AP1B1: variants seen among roughly 807,000 people sequenced by gnomAD.
The protein encoded by AP1B1 is AP-1 complex subunit beta-1.
A neutral mutation model predicts 104.3 loss-of-function variants in AP1B1; 36 were observed. The ratio of observed to expected loss-of-function variants is 0.35; its 90% confidence interval spans 0.26 to 0.46. The LOEUF (loss-of-function observed/expected upper bound fraction) is 0.46, where lower values mean the gene tolerates loss of function less well. Among genes scored for constraint, AP1B1 ranks in the 20% least tolerant of loss-of-function variants. The pLI is 1.00. For synonymous variants in AP1B1, 504 were observed against 517.5 expected (o/e 0.97, Z 0.35); for missense variants, 901 against 1,247.9 (o/e 0.72, Z 4.19).
Position 29,354,915 on chromosome 22 carries a change from G to A in AP1B1, c.717-44C>T, listed in dbSNP as rs755896017. 1.9e-6 allele frequency: 3 copies of A among 1,552,772 alleles called. No homozygotes were observed. The Admixed American group carries it at 5.1e-5, about 26-fold the overall frequency. ...AACGGGGCAAACAGGAAAGACAAGGGGAAACATTCTGTTTTTAGTTACCAA... is the reference window on the plus strand; with the variant it reads ...AACGGGGCAAACAGGAAAGACAAGGAGAAACATTCTGTTTTTAGTTACCAA... On this transcript the variant is annotated intron_variant, in intron 6 of 22. Transcript: ENST00000357586.
At chr22:29,376,829 C>T (rs2062350449) in intron 1 of AP1B1, among the ~76,000 whole-genome samples, 1 of 152,158 alleles carries the variant, frequency 6.6e-6, no homozygotes, top group African/African-American at 2.4e-5. Flanking sequence ...TGTACCTGCT[C>T]CCACAAAGCT....
Position 29,334,312 on chromosome 22 carries a change from C to T in AP1B1, c.2262G>A (p.Lys754=), listed in dbSNP as rs1327995859. ...SISMDLQLTN[K]ALQVMTDFAI... ...CAAAGTCGGTCATGACCTGCAAGGC[C>T]TTGTTGGTCAGCTGCAGGTCCATGG... Residue 754 remains lysine, a synonymous_variant, in exon 17 of 23, where the codon AAG becomes AAA. Coordinates refer to ENST00000357586, the MANE Select transcript of AP1B1 (RefSeq NM_001127.4). The T allele has an allele frequency of 1.2e-6, 2 of 1,610,266 alleles. No homozygotes were observed. The highest frequency in any genetic ancestry group is 2.2e-5 in the East Asian group (1 of 44,736).
chr22:29,359,604 G>A, intron 4 of AP1B1: 1 of 493,560 alleles, frequency 2.0e-6, no homozygotes, highest in Non-Finnish European at 3.5e-6. Flanking sequence ...AACAGGCCTG[G>A]CAGGACCTCA....
intron 2 of AP1B1, among the ~76,000 whole-genome samples, chr22:29,366,030 G>A (rs1443576127): frequency 2.0e-5 from 3 of 152,134 alleles, no homozygotes; most frequent in African/African-American, 7.2e-5. Flanking sequence ...CAGACTTCGG[G>A]TCCTGGATCA....
chr22:29,359,080 T>A (rs1481314696), intron 4 of AP1B1, 109 bp from the exon 5 acceptor site: 2 of 1,122,556 alleles, frequency 1.8e-6, no homozygotes, highest in Non-Finnish European at 2.5e-6. Context: ...CGACATCAGA[T>A]GGCTGCTGTG....
rs1569153291 is a variant in AP1B1 at position 29,339,210 on chromosome 22, C to T, written c.2020-77G>A. 1.9e-6 allele frequency: 3 copies of T among 1,560,114 alleles called. No individual in the cohort carries two copies. In the East Asian group the frequency reaches 6.7e-5, roughly 35 times the overall value. ...AGGGTCTGGGAATGAGTAGAGCCAC[C>T]TGGCTCTTTAGAAGACACTGGGGGC... is the stretch of plus-strand genomic sequence containing the variant. On this transcript the variant is annotated intron_variant, in intron 15 of 22. Transcript: ENST00000357586.
At chr22:29,386,432 G>A (rs1045836189) in intron 1 of AP1B1, among the ~76,000 whole-genome samples, 12 of 152,168 alleles carry the variant, frequency 7.9e-5, no homozygotes, top group African/African-American at 2.9e-4. Context: ...GACTCTTTGA[G>A]ACCTACTGAA....
intron 19 of AP1B1, 41 bp downstream of exon 19, chr22:29,331,408 G>A: frequency 1.3e-6 from 2 of 1,598,782 alleles, no homozygotes; most frequent in Non-Finnish European, 1.7e-6. Context: ...CCAAGCCACA[G>A]CCCCATTTCA....
intron 1 of AP1B1, chr22:29,370,674 C>T (rs749553797): frequency 6.6e-6 from 1 of 151,796 alleles, no homozygotes; most frequent in Non-Finnish European, 1.5e-5. Flanking sequence ...ATGCAACTGA[C>T]CAAGAGGAGA....
rs781181774 is a variant in AP1B1, at chr22:29,358,991, G to A, written c.280-20C>T. The A allele has an allele frequency of 1.1e-5, 17 of 1,590,922 alleles. No homozygotes were observed. The highest frequency in any genetic ancestry group is 1.3e-5 in the African/African-American group (1 of 74,688). ...ACAGTCCTGGGGGGAACCAGCCATC[G>A]GCCAGGGCAGGGGTGGGATGAGCCA... On this transcript the variant is annotated intron_variant, in intron 4 of 22. Transcript: ENST00000357586.
Position 29,339,741 on chromosome 22 carries a change from G to C in AP1B1, c.2019+13C>G. The C allele has an allele frequency of 6.2e-7, 1 of 1,609,582 alleles. No individual in the cohort carries two copies. The highest frequency in any genetic ancestry group is 1.7e-5 in the Admixed American group (1 of 59,658). ...AAGGACGAAGGCTTGGTGACGCAAG[G>C]GTTGAACCATACCCCTTCAGGCTCA... On this transcript the variant is annotated intron_variant, in intron 15 of 22. Coordinates refer to ENST00000357586, the MANE Select transcript of AP1B1 (RefSeq NM_001127.4).
intron 1 of AP1B1, among the ~76,000 whole-genome samples, chr22:29,375,463 T>C (rs2062324270): frequency 6.6e-6 from 1 of 151,172 alleles, no homozygotes; most frequent in African/African-American, 2.4e-5. Flanking sequence ...CCACGATGCC[T>C]GGCACATTCT....
intron 10 of AP1B1, 137 bp from the exon 11 acceptor site, chr22:29,349,520 GTTT>G: frequency 1.5e-6 from 1 of 686,686 alleles, no homozygotes; most frequent in Non-Finnish European, 2.2e-6. Flanking sequence ...TCTGAGTTTT[GTTT>G]TTTTTTTTGA....
chr22:29,358,561 T>A (rs1178967437), intron 5 of AP1B1, among the ~76,000 whole-genome samples, 165 bp downstream of exon 5: 2 of 152,104 alleles, frequency 1.3e-5, no homozygotes, highest in Non-Finnish European at 2.9e-5. Flanking sequence ...TCTAGCTCCC[T>A]CCAGAGAGGG....
chr22:29,355,860 A>G (rs1033018357), intron 6 of AP1B1, among the ~76,000 whole-genome samples: 1 of 150,752 alleles, frequency 6.6e-6, no homozygotes, highest in African/African-American at 2.4e-5. Flanking sequence ...ACCCTGCCAA[A>G]AAAAAAAAAA....
intron 7 of AP1B1, among the ~76,000 whole-genome samples, chr22:29,353,919 G>A (rs2061915090): frequency 6.6e-6 from 1 of 152,220 alleles, no homozygotes. Flanking sequence ...CCCCAGAGCT[G>A]CAGGGCTCTG....
chr22:29,374,845 G>A (rs554063475), intron 1 of AP1B1, among the ~76,000 whole-genome samples: 23 of 152,276 alleles, frequency 1.5e-4, no homozygotes, highest in African/African-American at 5.5e-4. Context: ...TACTGTAAAT[G>A]TCCATCCACA....
intron 3 of AP1B1, among the ~76,000 whole-genome samples, chr22:29,362,174 C>T (rs1000216033): frequency 2.6e-5 from 4 of 151,604 alleles, no homozygotes; most frequent in African/African-American, 4.9e-5. Flanking sequence ...GTGCGGCAGC[C>T]GCTCTACACA....
intron 1 of AP1B1, among the ~76,000 whole-genome samples, chr22:29,385,889 T>C (rs886111992): frequency 2.0e-5 from 3 of 151,812 alleles, no homozygotes; most frequent in African/African-American, 7.3e-5. Flanking sequence ...CATGCAAGAG[T>C]TTCAGAGGAT....
Sources: gnomAD v4.1 joint callset for allele counts (sites outside exome capture counted in the v4.1 genomes callset) on GRCh38, gnomAD v4.1.1 for gene constraint, MANE v1.5 for transcripts, NCBI Gene and HGNC (gene_info 2026-07-23, HGNC 2026-07-21) for gene names.